SLA: variants seen among roughly 807,000 people sequenced by gnomAD.
SLA encodes Src like adaptor, also known as src-like-adapter.
SLA carries 16 observed loss-of-function variants against 30.3 expected under a neutral mutation model. The observed-to-expected ratio is 0.53, with a 90% CI of 0.36 to 0.80. The LOEUF is 0.80. Ranked by LOEUF, SLA falls within the 30% of genes least tolerant of loss-of-function variation. The pLI is 0.01. For synonymous variants in SLA, 143 were observed against 137.8 expected, an observed-to-expected ratio of 1.04 and a Z score of -0.26; for missense variants, 310 against 345.2, an observed-to-expected ratio of 0.90 and a Z score of 0.81.
chr8:133,046,583 C>A (rs1839442883), intron 6 of SLA: 1 of 152,296 alleles, frequency 6.6e-6, no homozygotes, highest in Admixed American at 6.5e-5. Context: ...AGCCCCAGCA[C>A]AATGGCACAT....
At position 133,093,146 on chromosome 8, in the gene SLA, T is replaced by TTCTTTTCTTTTCTTTTCTTTTCTTTTC. The variant is rs879559542; in HGVS notation, c.-319+9406_-319+9407insGAAAAGAAAAGAAAAGAAAAGAAAAGA. 7.1e-3 allele frequency among the ~76,000 whole-genome samples: 986 copies of TTCTTTTCTTTTCTTTTCTTTTCTTTTC among 139,032 alleles called. 14 individuals carry two copies. Among genetic ancestry groups the TTCTTTTCTTTTCTTTTCTTTTCTTTTC allele is most frequent in the African/African-American group, 0.024 (931 of 38,704 alleles). 91.2% of individuals were successfully genotyped at this position (139,032 alleles called of 152,430 possible). On this transcript the variant is annotated intron_variant, in intron 1 of 8. Transcript: ENST00000338087. ...TTTCTTTTCTTTTCTTTTCTTTTTT[T>TTCTTTTCTTTTCTTTTCTTTTCTTTTC]TTTTTAATTTAAAGTACATCCAATG...
intron 3 of SLA, among the ~76,000 whole-genome samples, chr8:133,055,922 G>T (rs543255516): frequency 6.6e-6 from 1 of 152,108 alleles, no homozygotes; most frequent in East Asian, 1.9e-4. Flanking sequence ...TGGTACCGAG[G>T]TTACCCCTGA....
chr8:133,059,252 G>A (rs1842015113), intron 3 of SLA: 2 of 402,062 alleles, frequency 5.0e-6, no homozygotes, highest in Non-Finnish European at 5.0e-6. Flanking sequence ...AAGCAGAAGT[G>A]TTCCAAGGTG....
intron 2 of SLA, chr8:133,064,065 G>T (rs2131360100): frequency 6.6e-6 from 1 of 152,298 alleles, no homozygotes; most frequent in East Asian, 1.9e-4. Context: ...TTCCTTGGTG[G>T]TGTGACTCTT....
intron 8 of SLA, 131 bp downstream of exon 8, chr8:133,039,867 A>C (rs1002234276): frequency 3.4e-6 from 5 of 1,449,640 alleles, no homozygotes; most frequent in Non-Finnish European, 4.6e-6. Flanking sequence ...CCCCAGTTTC[A>C]GCAGGGCTGG....
chr8:133,071,629 C>T (rs1160703891), intron 2 of SLA, among the ~76,000 whole-genome samples: 4 of 151,806 alleles, frequency 2.6e-5, no homozygotes, highest in Non-Finnish European at 4.4e-5. Context: ...ACTTGGATGG[C>T]ATGCAGCGGG....
intron 2 of SLA, among the ~76,000 whole-genome samples, chr8:133,065,470 A>G (rs1353457498): frequency 6.6e-6 from 1 of 152,220 alleles, no homozygotes; most frequent in Non-Finnish European, 1.5e-5. Context: ...GTGATTTTTA[A>G]AAGTTATCAG....
At chr8:133,101,001 G>A (rs1043793854) in intron 1 of SLA, among the ~76,000 whole-genome samples, 2 of 152,056 alleles carry the variant, frequency 1.3e-5, no homozygotes, top group Admixed American at 6.5e-5. Context: ...AGGTTTACCG[G>A]GTGTCTCTAG....
chr8:133,084,394 A>T (rs1353416973), intron 1 of SLA, among the ~76,000 whole-genome samples: 6 of 152,188 alleles, frequency 3.9e-5, no homozygotes, highest in African/African-American at 1.2e-4. Flanking sequence ...GTATGTATGA[A>T]GTACTCATTG....
intron 1 of SLA, among the ~76,000 whole-genome samples, chr8:133,101,923 T>C (rs1261758966): frequency 1.3e-5 from 2 of 152,228 alleles, no homozygotes; most frequent in South Asian, 2.1e-4. Context: ...GAGAGTGTCC[T>C]GGGTGTCCTT....
chr8:133,046,274 C>T (rs1839379016), intron 6 of SLA, among the ~76,000 whole-genome samples: 1 of 152,200 alleles, frequency 6.6e-6, no homozygotes, highest in African/African-American at 2.4e-5. Context: ...CATGAAATCT[C>T]TATTAATTCT....
At chr8:133,040,897 A>G (rs1838092504) in intron 7 of SLA, among the ~76,000 whole-genome samples, 1 of 152,190 alleles carries the variant, frequency 6.6e-6, no homozygotes, top group African/African-American at 2.4e-5. Flanking sequence ...AAAAGAATAA[A>G]AGTTAAATAA....
intron 7 of SLA, among the ~76,000 whole-genome samples, chr8:133,042,678 CTTTTT>C (rs58739514): frequency 3.5e-5 from 2 of 56,728 alleles, no homozygotes; most frequent in Admixed American, 2.7e-4. Flanking sequence ...CATTCTGTGT[CTTTTT>C]TTTTTTTTTT....
At chr8:133,041,301 T>C (rs185856286) in intron 7 of SLA, among the ~76,000 whole-genome samples, 2 of 152,214 alleles carry the variant, frequency 1.3e-5, no homozygotes, top group African/African-American at 2.4e-5. Context: ...CTCTGGGGCA[T>C]CCTTGCCAAA....
intron 1 of SLA, among the ~76,000 whole-genome samples, chr8:133,081,177 G>A (rs182309661): frequency 6.6e-6 from 1 of 152,256 alleles, no homozygotes; most frequent in African/African-American, 2.4e-5. Context: ...CCAGATAGAG[G>A]TGCTTTTCTT....
intron 1 of SLA, chr8:133,096,427 T>C (rs1290499446): frequency 6.2e-6 from 10 of 1,600,074 alleles, no homozygotes; most frequent in Non-Finnish European, 8.6e-6. Context: ...CTAAGGGCTC[T>C]GGACCTCAAT....
At chr8:133,092,027 A>G (rs2739176) in intron 1 of SLA, among the ~76,000 whole-genome samples, 115,858 of 152,122 alleles carry the variant, frequency 0.76, 45,005 homozygotes, top group African/African-American at 0.89. Flanking sequence ...GACAAACTCC[A>G]AGTCTCCTGG....
At chr8:133,095,452 A>C (rs1848267979) in intron 1 of SLA, among the ~76,000 whole-genome samples, 1 of 152,192 alleles carries the variant, frequency 6.6e-6, no homozygotes, top group Non-Finnish European at 1.5e-5. Flanking sequence ...TATTTATAAC[A>C]TGGGAATAGT....
intron 1 of SLA, among the ~76,000 whole-genome samples, chr8:133,086,325 A>C (rs901432139): frequency 2.0e-5 from 3 of 152,242 alleles, no homozygotes; most frequent in African/African-American, 7.2e-5. Context: ...AAACCATTGA[A>C]TTAAGTGGGT....
Sources: gnomAD v4.1 joint callset for allele counts (sites outside exome capture counted in the v4.1 genomes callset) on GRCh38, gnomAD v4.1.1 for gene constraint, MANE v1.5 for transcripts, NCBI Gene and HGNC (gene_info 2026-07-23, HGNC 2026-07-21) for gene names.